DAAM2: variants seen among roughly 807,000 people sequenced by gnomAD.
DAAM2 encodes the protein dishevelled associated activator of morphogenesis 2.
DAAM2 carries 39 observed loss-of-function variants against 120.7 expected under a neutral mutation model. The observed-to-expected ratio is 0.32, with a 90% confidence interval of 0.25 to 0.42. The LOEUF is 0.42. Among genes scored for constraint, DAAM2 ranks in the 10% least tolerant of loss-of-function variants. The pLI, the probability that DAAM2 is intolerant of heterozygous loss-of-function variation, is 1.00. For synonymous variants in DAAM2, 488 were observed against 524.9 expected, an observed-to-expected ratio of 0.93 and a Z score of 0.96; for missense variants, 1,283 against 1,401.7, an observed-to-expected ratio of 0.92 and a Z score of 1.35.
rs1392197720 is a variant in DAAM2 at position 39,901,433 on chromosome 6, G to C, written c.2943G>C (p.Arg981Ser). 1 of 1,612,962 alleles carries C rather than the reference G, an allele frequency of 6.2e-7. No individual in the cohort carries two copies. The highest frequency in any genetic ancestry group is 1.7e-4 in the Middle Eastern group (1 of 6,022). ...ARQDLEAMRR[R>S]KEEEERRARM... ...AGGATCTAGAGGCCATGAGGAGGAG[G>C]AAGGAGGAGGAGGAGCGGCGGGCGC... The change falls in exon 24 of 25, where the codon AGG becomes AGC. Residue 981 changes from arginine (R) to serine (S), a missense_variant. Transcript: ENST00000274867. The surrounding 1 kb of genome is among the most constrained non-coding windows in gnomAD (Gnocchi z 4.5).
At chr6:39,794,683 A>G (rs773323627) in intron 1 of DAAM2, among the ~76,000 whole-genome samples, 1 of 152,174 alleles carries the variant, frequency 6.6e-6, no homozygotes, top group Non-Finnish European at 1.5e-5. Flanking sequence ...AAAGTTTTTG[A>G]TGCAAAACAG....
At chr6:39,795,221 C>A (rs1019336574) in intron 1 of DAAM2, among the ~76,000 whole-genome samples, 2 of 152,200 alleles carry the variant, frequency 1.3e-5, no homozygotes, top group Non-Finnish European at 2.9e-5. Flanking sequence ...TCCAAGACAT[C>A]CTTGAAGGTC....
At chr6:39,797,790 A>G (rs1222897816) in intron 1 of DAAM2, among the ~76,000 whole-genome samples, 1 of 152,236 alleles carries the variant, frequency 6.6e-6, no homozygotes, top group Non-Finnish European at 1.5e-5. Context: ...CAGACTTCGT[A>G]TGGTTCTCCC....
intron 16 of DAAM2, 95 bp downstream of exon 16, chr6:39,887,687 T>C: frequency 1.2e-6 from 1 of 821,886 alleles, no homozygotes; most frequent in East Asian, 2.7e-5. Flanking sequence ...CCCTCTCTGC[T>C]GTCCCCTGGG....
At chr6:39,810,755 C>T (rs1762137840) in intron 1 of DAAM2, among the ~76,000 whole-genome samples, 1 of 152,198 alleles carries the variant, frequency 6.6e-6, no homozygotes, top group South Asian at 2.1e-4. Flanking sequence ...TTTCCCAGAT[C>T]CCTCCCCTGC....
chr6:39,885,347 T>A (rs1461158434), intron 15 of DAAM2: 2 of 30,298 alleles, frequency 6.6e-5, no homozygotes, highest in Non-Finnish European at 1.5e-4. Flanking sequence ...AGGAACTCTT[T>A]GAGCACTGGC....
At chr6:39,807,198 A>T (rs1267705171) in intron 1 of DAAM2, among the ~76,000 whole-genome samples, 1 of 151,980 alleles carries the variant, frequency 6.6e-6, no homozygotes, top group Non-Finnish European at 1.5e-5. Context: ...CAAAAAAAAA[A>T]AAAAGGGTGC....
chr6:39,831,161 A>G (rs1762872148), intron 1 of DAAM2, among the ~76,000 whole-genome samples: 1 of 152,192 alleles, frequency 6.6e-6, no homozygotes, highest in African/African-American at 2.4e-5. Context: ...CACTGCGGAT[A>G]CAGCAATGAA....
intron 1 of DAAM2, among the ~76,000 whole-genome samples, chr6:39,850,775 C>T (rs1277976267): frequency 2.0e-5 from 3 of 152,054 alleles, no homozygotes; most frequent in African/African-American, 4.8e-5. Context: ...TGGAAGTGAC[C>T]AGGGACAGAT....
intron 1 of DAAM2, among the ~76,000 whole-genome samples, chr6:39,808,627 A>C (rs939886628): frequency 6.6e-6 from 1 of 152,164 alleles, no homozygotes; most frequent in African/African-American, 2.4e-5. Flanking sequence ...CAGCTCTTTC[A>C]TGTCCCTTAC....
intron 1 of DAAM2, among the ~76,000 whole-genome samples, chr6:39,810,304 C>T (rs777496443): frequency 6.6e-6 from 1 of 152,146 alleles, no homozygotes; most frequent in African/African-American, 2.4e-5. Context: ...TGTGTCACAT[C>T]GATCAAACCT....
At chr6:39,809,761 T>C (rs1561996806) in intron 1 of DAAM2, among the ~76,000 whole-genome samples, 1 of 151,956 alleles carries the variant, frequency 6.6e-6, no homozygotes, top group Non-Finnish European at 1.5e-5. Context: ...ACAGAACGAG[T>C]GTTTTGAGGT....
intron 10 of DAAM2, 100 bp downstream of exon 10, chr6:39,873,455 A>G: frequency 1.3e-6 from 1 of 798,680 alleles, no homozygotes. Flanking sequence ...GGGGAGTCTG[A>G]CCATGTCTCC....
chr6:39,811,936 AG>A (rs1561997916), intron 1 of DAAM2, among the ~76,000 whole-genome samples: 1 of 152,182 alleles, frequency 6.6e-6, no homozygotes, highest in African/African-American at 2.4e-5. Flanking sequence ...CTGAGGATGC[AG>A]GGCCCCTGTA....
At chr6:39,888,553 G>C (rs1182642921) in intron 16 of DAAM2, 126 bp from the exon 17 acceptor site, 2 of 681,160 alleles carry the variant, frequency 2.9e-6, no homozygotes, top group Non-Finnish European at 5.0e-6. Context: ...TTGTAGAGGA[G>C]GTGAGGGGGG....
intron 1 of DAAM2, among the ~76,000 whole-genome samples, chr6:39,824,154 C>T (rs906331418): frequency 6.6e-6 from 1 of 152,158 alleles, no homozygotes; most frequent in African/African-American, 2.4e-5. Flanking sequence ...ATTTTATCTC[C>T]TCAAGCGCAG....
chr6:39,873,655 G>A (rs145927790), intron 10 of DAAM2, among the ~76,000 whole-genome samples: 154 of 152,270 alleles, frequency 1.0e-3, no homozygotes, highest in Admixed American at 1.8e-3. Flanking sequence ...TTCAGCTCAT[G>A]ACGGGGGAGA....
chr6:39,837,361 T>G (rs1166325936), intron 1 of DAAM2, among the ~76,000 whole-genome samples: 1 of 151,710 alleles, frequency 6.6e-6, no homozygotes, highest in Non-Finnish European at 1.5e-5. Context: ...ATATTAGGAG[T>G]GCATTTGGCC....
intron 15 of DAAM2, chr6:39,886,684 C>T (rs904412869): frequency 7.8e-6 from 3 of 382,794 alleles, no homozygotes; most frequent in African/African-American, 6.2e-5. Flanking sequence ...GAGGAGAAGG[C>T]TTCTAGGTCT....
Sources: allele counts gnomAD v4.1 joint callset (sites outside exome capture counted in the v4.1 genomes callset), GRCh38; gene constraint gnomAD v4.1.1; non-coding constraint Gnocchi (gnomAD v3.1); transcripts MANE v1.5; gene names NCBI Gene and HGNC (gene_info 2026-07-23, HGNC 2026-07-21).